Variants in PRKN observed in about 807,000 individuals in gnomAD.
The protein encoded by PRKN is parkin RBR E3 ubiquitin protein ligase.
A neutral mutation model predicts 59.5 loss-of-function variants in PRKN; 56 were observed. The observed-to-expected ratio is 0.94, with a 90% CI of 0.76 to 1.18. PRKN has a LOEUF of 1.18. Ranked by LOEUF, PRKN falls within the 50% of genes most tolerant of loss-of-function variation. The pLI, the probability that PRKN is intolerant of heterozygous loss-of-function variation, is 0.00. For missense variants in PRKN, 657 were observed against 596.4 expected, an observed-to-expected ratio of 1.10 and a Z score of -1.06; for synonymous variants, 250 against 222.1, an observed-to-expected ratio of 1.13 and a Z score of -1.12.
At chr6:162,635,219 T>A (rs1777665948) in intron 1 of PRKN, among the ~76,000 whole-genome samples, 2 of 152,168 alleles carry the variant, frequency 1.3e-5, no homozygotes, top group Admixed American at 1.3e-4. Context: ...AACATAGACA[T>A]GGGTCTTGAG....
At chr6:162,413,969 G>A (rs982353663) in intron 2 of PRKN, among the ~76,000 whole-genome samples, 3 of 151,960 alleles carry the variant, frequency 2.0e-5, no homozygotes, top group African/African-American at 7.3e-5. Context: ...ATCACTTGAG[G>A]TCAAGAATTC....
intron 1 of PRKN, among the ~76,000 whole-genome samples, chr6:162,519,310 C>G (rs959175709): frequency 2.6e-5 from 4 of 152,188 alleles, no homozygotes; most frequent in Admixed American, 2.0e-4. Flanking sequence ...AATTAAGGCT[C>G]TGTGCTGCCT....
rs1356926785 is a variant in PRKN, at chr6:161,405,041, T to C, written c.1084-18164A>G. Among the ~76,000 whole-genome samples the C allele has an allele frequency of 1.3e-5, 2 of 152,300 alleles. No individual in the cohort carries two copies. The highest frequency in any genetic ancestry group is 2.4e-5 in the African/African-American group (1 of 41,552). ...TATATTTTCATTGAAGGCAGGAAGA[T>C]AGACTAAATGATAACATTGCTTCCC... is the stretch of plus-strand genomic sequence containing the variant. On this transcript the variant is annotated intron_variant, in intron 9 of 11. Transcript: ENST00000366898. This position sits in a 1 kb window ranked among gnomAD's most constrained non-coding sequence, Gnocchi z 5.1.
At chr6:161,374,644 TGTGTGTG>T (rs1785601681) in intron 10 of PRKN, among the ~76,000 whole-genome samples, 3 of 151,370 alleles carry the variant, frequency 2.0e-5, no homozygotes, top group Admixed American at 6.8e-5. Context: ...GTATGTGTGG[TGTGTGTG>T]TATGTGTGAT....
At chr6:162,419,774 C>G (rs200574270) in intron 2 of PRKN, among the ~76,000 whole-genome samples, 3 of 120,886 alleles carry the variant, frequency 2.5e-5, no homozygotes, top group Non-Finnish European at 5.1e-5. Context: ...AGAGACAGAG[C>G]CAGAGACAGG....
intron 1 of PRKN, among the ~76,000 whole-genome samples, chr6:162,581,246 A>C (rs1019459050): frequency 6.6e-6 from 1 of 152,246 alleles, no homozygotes; most frequent in Non-Finnish European, 1.5e-5. Flanking sequence ...ATTCATTCAT[A>C]AGCAATTTAC....
At chr6:162,525,651 C>T (rs981452079) in intron 1 of PRKN, among the ~76,000 whole-genome samples, 3 of 152,078 alleles carry the variant, frequency 2.0e-5, no homozygotes, top group Admixed American at 6.6e-5. Context: ...TGCAGCCCCA[C>T]GAGTCAGAGA....
chr6:162,202,005 T>A (rs939204393), intron 3 of PRKN, among the ~76,000 whole-genome samples: 3 of 152,198 alleles, frequency 2.0e-5, no homozygotes, highest in African/African-American at 7.2e-5. Flanking sequence ...CAATTTATAC[T>A]TCCATATCTG....
intron 4 of PRKN, 65 bp downstream of exon 4, chr6:162,201,066 A>G: frequency 6.5e-7 from 1 of 1,547,312 alleles, no homozygotes; most frequent in Non-Finnish European, 8.9e-7. Flanking sequence ...AGAAAAACTG[A>G]AAGGCAATGT....
chr6:162,303,207 A>G (rs1248099214), intron 2 of PRKN, among the ~76,000 whole-genome samples: 1 of 152,220 alleles, frequency 6.6e-6, no homozygotes, highest in East Asian at 1.9e-4. Flanking sequence ...ACTAATGTTA[A>G]GTTCCATAAG....
At chr6:162,641,397 C>G (rs529124265) in intron 1 of PRKN, among the ~76,000 whole-genome samples, 1 of 151,510 alleles carries the variant, frequency 6.6e-6, no homozygotes, top group Non-Finnish European at 1.5e-5. Flanking sequence ...AGGCAAAAAT[C>G]AAAGTGTTGT....
chr6:162,188,778 GTT>G lies in PRKN; in HGVS notation c.534+12351_534+12352del, dbSNP rs57578381. ...ACAGGTGGAACATTCCTTAGATTTC[GTT>G]TTTTTTTTTTTTTTTAAATAACAAA... On this transcript the variant is annotated intron_variant, in intron 4 of 11. Coordinates refer to ENST00000366898, the MANE Select transcript of PRKN (RefSeq NM_004562.3). 8.8e-3 allele frequency among the ~76,000 whole-genome samples: 1,221 copies of G among 139,188 alleles called. 16 individuals are homozygous for G. Among genetic ancestry groups the G allele is most frequent in the African/African-American group, 0.031 (1,165 of 37,656 alleles). 91.3% of individuals were successfully genotyped at this position (139,188 alleles called of 152,430 possible).
At chr6:161,968,146 G>A (rs1052217784) in intron 6 of PRKN, among the ~76,000 whole-genome samples, 4 of 150,692 alleles carry the variant, frequency 2.7e-5, no homozygotes, top group African/African-American at 4.9e-5. Flanking sequence ...TCAGCCTCCC[G>A]AGTAGCTGGG....
intron 1 of PRKN, among the ~76,000 whole-genome samples, chr6:162,534,216 C>A (rs1277331193): frequency 6.6e-6 from 1 of 152,050 alleles, no homozygotes; most frequent in Non-Finnish European, 1.5e-5. Flanking sequence ...AGGTTGATGT[C>A]TTTGTCTTCC....
chr6:162,059,979 C>T (rs1778030198), intron 4 of PRKN, among the ~76,000 whole-genome samples: 1 of 152,182 alleles, frequency 6.6e-6, no homozygotes, highest in Admixed American at 6.5e-5. Context: ...GTTTTATTGG[C>T]ATATAGCCAC....
intron 3 of PRKN, among the ~76,000 whole-genome samples, chr6:162,225,388 C>T (rs565514135): frequency 6.6e-6 from 1 of 152,270 alleles, no homozygotes; most frequent in East Asian, 1.9e-4. Flanking sequence ...CATATTCAAA[C>T]CATAGCACCT....
intron 4 of PRKN, among the ~76,000 whole-genome samples, chr6:162,193,266 C>T (rs150173680): frequency 1.6e-3 from 237 of 152,314 alleles, no homozygotes; most frequent in African/African-American, 5.4e-3. Flanking sequence ...AGGCTCTCAA[C>T]GTACGCATTT....
chr6:161,564,422 T>TC (rs1780562945), intron 8 of PRKN, among the ~76,000 whole-genome samples: 1 of 152,036 alleles, frequency 6.6e-6, no homozygotes. Context: ...CTGAGACCCT[T>TC]CCCCCATGCT....
intron 7 of PRKN, among the ~76,000 whole-genome samples, chr6:161,725,605 T>C (rs1471633004): frequency 6.6e-6 from 1 of 152,202 alleles, no homozygotes; most frequent in Non-Finnish European, 1.5e-5. Context: ...TGGCTCACCC[T>C]ACCCATTTCC....
Sources: allele counts gnomAD v4.1 joint callset (sites outside exome capture counted in the v4.1 genomes callset), GRCh38; gene constraint gnomAD v4.1.1; non-coding constraint Gnocchi (gnomAD v3.1); transcripts MANE v1.5; gene names NCBI Gene and HGNC (gene_info 2026-07-23, HGNC 2026-07-21).